The following SOX5 variants were observed in gnomAD, a reference collection of about 807,000 sequenced individuals.
SOX5 encodes the protein SRY-box transcription factor 5.
SOX5 carries 9 observed loss-of-function variants against 92.0 expected under a neutral mutation model. The ratio of observed to expected loss-of-function variants is 0.10; its 90% CI spans 0.06 to 0.17. The LOEUF is 0.17. Ranked by LOEUF, SOX5 falls within the 10% of genes least tolerant of loss-of-function variation. The pLI is 1.00. For synonymous variants in SOX5, 344 were observed against 336.3 expected (o/e 1.02, Z -0.25); for missense variants, 642 against 944.5 (o/e 0.68, Z 4.20).
intron 4 of SOX5, among the ~76,000 whole-genome samples, chr12:24,141,701 G>C (rs528536671): frequency 7.5e-6 from 1 of 132,688 alleles, no homozygotes; most frequent in African/African-American, 2.5e-5. Context: ...GCTATAAATT[G>C]GTTTATTATT....
At chr12:24,056,658 T>C (rs1359600394) in intron 4 of SOX5, among the ~76,000 whole-genome samples, 2 of 152,042 alleles carry the variant, frequency 1.3e-5, no homozygotes, top group Non-Finnish European at 2.9e-5. Context: ...CTCTTATACT[T>C]TACAGAAGGG....
intron 4 of SOX5, among the ~76,000 whole-genome samples, chr12:24,134,320 C>T (rs1949920346): frequency 6.6e-6 from 1 of 152,250 alleles, no homozygotes; most frequent in South Asian, 2.1e-4. Flanking sequence ...AATTCTGCAA[C>T]AGAGAACACT....
chr12:24,246,861 T>C (rs1406262722), intron 3 of SOX5, among the ~76,000 whole-genome samples: 2 of 151,392 alleles, frequency 1.3e-5, no homozygotes, highest in Non-Finnish European at 2.9e-5. Context: ...AAATACAAAA[T>C]AAAAAGACAA....
At chr12:24,272,748 T>C (rs12319413) in intron 3 of SOX5, among the ~76,000 whole-genome samples, 36,055 of 152,056 alleles carry the variant, frequency 0.24, 4,669 homozygotes, top group African/African-American at 0.33. Context: ...AAATTTTTGT[T>C]TTATATATTG....
intron 4 of SOX5, among the ~76,000 whole-genome samples, chr12:23,972,440 C>G (rs1948449390): frequency 1.3e-5 from 2 of 152,106 alleles, no homozygotes; most frequent in South Asian, 4.2e-4. Flanking sequence ...TCACTGCAAC[C>G]TCCACCTCCT....
chr12:24,100,136 C>T (rs1290234725), intron 4 of SOX5, among the ~76,000 whole-genome samples: 1 of 152,110 alleles, frequency 6.6e-6, no homozygotes, highest in Non-Finnish European at 1.5e-5. Context: ...TCCCTTCTTA[C>T]TGGATCATGG....
At chr12:23,581,906 A>G (rs1427009069) in intron 9 of SOX5, among the ~76,000 whole-genome samples, 1 of 151,644 alleles carries the variant, frequency 6.6e-6, no homozygotes, top group African/African-American at 2.4e-5. Context: ...ATATATATAT[A>G]TATGTATAAA....
rs897914493 is a variant in SOX5, at chr12:23,701,347, T to C, written c.810+33337A>G. Among the ~76,000 whole-genome samples, 3 of 151,240 alleles carry C rather than the reference T, an allele frequency of 2.0e-5. No homozygotes were observed. The South Asian group carries it at 6.2e-4, about 31-fold the overall frequency. On this transcript the variant is annotated intron_variant, in intron 6 of 14. Coordinates refer to ENST00000451604, the MANE Select transcript of SOX5 (RefSeq NM_006940.6). ...TAAGAGAAATTGGAATTCTGAGGTT[T>C]CTTGAAATTTTTTTTTTAATAAAAA... is the stretch of plus-strand genomic sequence containing the variant.
At chr12:24,174,491 T>C (rs1029799896) in intron 4 of SOX5, among the ~76,000 whole-genome samples, 4 of 148,704 alleles carry the variant, frequency 2.7e-5, no homozygotes, top group Non-Finnish European at 4.4e-5. Context: ...TTCCAGACAT[T>C]AGTAAGAATA....
chr12:24,182,453 A>G (rs942860016), intron 4 of SOX5, among the ~76,000 whole-genome samples: 1 of 152,196 alleles, frequency 6.6e-6, no homozygotes, highest in Non-Finnish European at 1.5e-5. Flanking sequence ...GGAGCACTCA[A>G]ACAGCTCCAA....
intron 4 of SOX5, among the ~76,000 whole-genome samples, chr12:24,100,156 T>C (rs912458394): frequency 7.2e-5 from 11 of 152,124 alleles, no homozygotes; most frequent in African/African-American, 2.7e-4. Flanking sequence ...GAAAATAGAA[T>C]ATCAAACGTT....
chr12:24,327,104 T>C (rs1295474027), intron 2 of SOX5, among the ~76,000 whole-genome samples: 3 of 152,208 alleles, frequency 2.0e-5, no homozygotes, highest in Non-Finnish European at 4.4e-5. Flanking sequence ...TGAATAACAA[T>C]AGGACATTGA....
chr12:23,839,086 T>A (rs2096478901), intron 3 of SOX5, among the ~76,000 whole-genome samples: 1 of 151,344 alleles, frequency 6.6e-6, no homozygotes, highest in African/African-American at 2.4e-5. Flanking sequence ...TGACCTCAGG[T>A]GATCTGCCCG....
At chr12:23,838,949 C>T (rs1439897140) in intron 3 of SOX5, among the ~76,000 whole-genome samples, 3 of 151,394 alleles carry the variant, frequency 2.0e-5, no homozygotes, top group Non-Finnish European at 4.4e-5. Flanking sequence ...AAGCGATTCT[C>T]CTACCTCAGC....
intron 3 of SOX5, among the ~76,000 whole-genome samples, chr12:23,778,989 TAA>T (rs1274324990): frequency 6.6e-6 from 1 of 152,214 alleles, no homozygotes; most frequent in African/African-American, 2.4e-5. Context: ...TAAAGACTGT[TAA>T]GTCATTTTAC....
chr12:24,119,507 A>G (rs1189530482), intron 4 of SOX5, among the ~76,000 whole-genome samples: 3 of 152,148 alleles, frequency 2.0e-5, no homozygotes, highest in Non-Finnish European at 2.9e-5. Context: ...AAACGTAATT[A>G]TGTAAAGCCA....
chr12:24,115,242 G>C (rs1459024057), intron 4 of SOX5, among the ~76,000 whole-genome samples: 2 of 151,864 alleles, frequency 1.3e-5, no homozygotes, highest in Non-Finnish European at 2.9e-5. Flanking sequence ...ACATAAACAA[G>C]AACAAAAAAG....
In SOX5 at chr12:24,373,072, C is replaced by T. The variant is rs545722481; in HGVS notation, c.-250-4433G>A. Among the ~76,000 whole-genome samples the T allele has an allele frequency of 9.3e-5, 14 of 151,170 alleles. No homozygotes were observed. In the East Asian group the frequency reaches 9.7e-4, roughly 11 times the overall value. ...AGTGGAGGCTGCAGGGAGCCGAGAA[C>T]GCACCACTGCACTCCAACCTCAGTA... On this transcript the variant is annotated intron_variant, in intron 1 of 4. Coordinates refer to the SOX5 transcript ENST00000446891.
chr12:24,089,280 T>C (rs1240557813), intron 4 of SOX5, among the ~76,000 whole-genome samples: 2 of 152,102 alleles, frequency 1.3e-5, no homozygotes, highest in East Asian at 1.9e-4. Flanking sequence ...CAAAGAACGA[T>C]TGCTACTCCC....
Sources: allele counts gnomAD v4.1 joint callset (sites outside exome capture counted in the v4.1 genomes callset), GRCh38; gene constraint gnomAD v4.1.1; transcripts MANE v1.5; gene names NCBI Gene and HGNC (gene_info 2026-07-23, HGNC 2026-07-21).